Variants in ASXL3 observed in about 807,000 individuals in gnomAD.
ASXL3 encodes the protein ASXL transcriptional regulator 3, also known as putative Polycomb group protein ASXL3.
A neutral mutation model predicts 170.6 loss-of-function variants in ASXL3; 34 were observed. The observed-to-expected ratio is 0.20, with a 90% confidence interval of 0.15 to 0.27. The LOEUF (loss-of-function observed/expected upper bound fraction) is 0.27, where lower values mean the gene tolerates loss of function less well. Ranked by LOEUF, ASXL3 falls within the 10% of genes least tolerant of loss-of-function variation. The pLI is 1.00. For missense variants in ASXL3, 2,592 were observed against 2,695.3 expected, an observed-to-expected ratio of 0.96 and a Z score of 0.85; for synonymous variants, 1,002 against 989.1, an observed-to-expected ratio of 1.01 and a Z score of -0.24.
intron 2 of ASXL3, among the ~76,000 whole-genome samples, chr18:33,626,407 G>A (rs1279197498): frequency 6.6e-6 from 1 of 152,068 alleles, no homozygotes; most frequent in Non-Finnish European, 1.5e-5. Flanking sequence ...CAAGGTGATG[G>A]TAGTTAGACT....
chr18:33,707,484 T>C (rs1000339586), intron 8 of ASXL3, among the ~76,000 whole-genome samples: 1 of 151,244 alleles, frequency 6.6e-6, no homozygotes, highest in African/African-American at 2.4e-5. Flanking sequence ...TATTATAAAT[T>C]GTTGCTATTT....
At position 33,629,562 on chromosome 18, in the gene ASXL3, A is replaced by T. The variant is rs116954557; in HGVS notation, c.138-15332A>T. ...TAAATAGGGGCCCAGGTTTAAGATA[A>T]TTTTTTTCTTGAACTACTACCTTGG... On this transcript the variant is annotated intron_variant, in intron 2 of 11. Transcript: ENST00000269197. Among the ~76,000 whole-genome samples the T allele has an allele frequency of 1.2e-4, 18 of 152,014 alleles. No individual in the cohort carries two copies. In the East Asian group the frequency reaches 3.1e-3, roughly 26 times the overall value.
At chr18:33,608,099 A>C (rs1459042810) in intron 2 of ASXL3, among the ~76,000 whole-genome samples, 34 of 151,982 alleles carry the variant, frequency 2.2e-4, no homozygotes, top group Non-Finnish European at 4.4e-5. Flanking sequence ...TAGTCCTCTT[A>C]TATTTAAGAA....
chr18:33,719,391 C>A (rs1006933467), intron 8 of ASXL3, among the ~76,000 whole-genome samples: 1 of 152,026 alleles, frequency 6.6e-6, no homozygotes, highest in Admixed American at 6.6e-5. Flanking sequence ...GGCCTTAACA[C>A]CATTTATAGT....
At chr18:33,591,173 G>A (rs1451307246) in intron 1 of ASXL3, among the ~76,000 whole-genome samples, 1 of 152,110 alleles carries the variant, frequency 6.6e-6, no homozygotes, top group East Asian at 1.9e-4. Context: ...TTATTCATTT[G>A]ACAACATTTC....
intron 2 of ASXL3, among the ~76,000 whole-genome samples, chr18:33,624,026 T>G (rs545136128): frequency 1.3e-5 from 2 of 152,182 alleles, no homozygotes; most frequent in African/African-American, 4.8e-5. Context: ...GGTGTGATTG[T>G]GCATACCTGT....
intron 2 of ASXL3, among the ~76,000 whole-genome samples, chr18:33,637,454 T>C (rs1344234662): frequency 1.3e-5 from 2 of 152,096 alleles, no homozygotes; most frequent in African/African-American, 4.8e-5. Context: ...GAGCAACACT[T>C]GGGACAGATA....
At chr18:33,675,308 T>G (rs2066407684) in intron 7 of ASXL3, among the ~76,000 whole-genome samples, 1 of 152,192 alleles carries the variant, frequency 6.6e-6, no homozygotes, top group South Asian at 2.1e-4. Flanking sequence ...TGATCCCACC[T>G]CATATCCTTT....
intron 7 of ASXL3, among the ~76,000 whole-genome samples, chr18:33,682,692 G>T (rs1037139418): frequency 1.8e-4 from 28 of 152,052 alleles, no homozygotes; most frequent in African/African-American, 6.0e-4. Flanking sequence ...GAACACAGGT[G>T]CATGCCACCA....
At chr18:33,669,911 T>C (rs1461968266) in intron 5 of ASXL3, among the ~76,000 whole-genome samples, 1 of 152,210 alleles carries the variant, frequency 6.6e-6, no homozygotes, top group Non-Finnish European at 1.5e-5. Context: ...TAAGCTGTAT[T>C]TCAAAACTTT....
chr18:33,581,175 T>C (rs1002972678), intron 1 of ASXL3, among the ~76,000 whole-genome samples: 3 of 152,210 alleles, frequency 2.0e-5, no homozygotes, highest in Admixed American at 2.0e-4. Context: ...ATAGTATTTC[T>C]TAACTCTCAA....
intron 7 of ASXL3, among the ~76,000 whole-genome samples, chr18:33,672,745 GC>G (rs1599475460): frequency 6.6e-6 from 1 of 152,104 alleles, no homozygotes; most frequent in African/African-American, 2.4e-5. Context: ...ATTCTTATTT[GC>G]AGAGTGTATT....
intron 4 of ASXL3, among the ~76,000 whole-genome samples, chr18:33,655,781 TAAAAC>T (rs1206540674): frequency 6.6e-6 from 1 of 152,084 alleles, no homozygotes; most frequent in South Asian, 2.1e-4. Context: ...ATACTATACA[TAAAAC>T]AAATTATAAC....
At chr18:33,613,824 C>A (rs1476820266) in intron 2 of ASXL3, among the ~76,000 whole-genome samples, 2 of 151,950 alleles carry the variant, frequency 1.3e-5, no homozygotes, top group Non-Finnish European at 2.9e-5. Flanking sequence ...ATTAGGGAGG[C>A]TGAAGCAGGA....
At chr18:33,646,883 G>A (rs920402564) in intron 4 of ASXL3, among the ~76,000 whole-genome samples, 2 of 143,920 alleles carry the variant, frequency 1.4e-5, no homozygotes, top group Non-Finnish European at 3.0e-5. Context: ...GGGGGAGCGG[G>A]GGGGGGGGGC....
At chr18:33,588,059 G>A (rs1470682032) in intron 1 of ASXL3, among the ~76,000 whole-genome samples, 1 of 152,080 alleles carries the variant, frequency 6.6e-6, no homozygotes, top group Non-Finnish European at 1.5e-5. Context: ...TACTTAGTGT[G>A]TATGTGTGTG....
At chr18:33,618,769 T>G (rs1317534659) in intron 2 of ASXL3, among the ~76,000 whole-genome samples, 2 of 152,268 alleles carry the variant, frequency 1.3e-5, no homozygotes, top group East Asian at 3.9e-4. Context: ...AGCCTCATAC[T>G]TGATGTTATT....
chr18:33,673,976 C>T (rs997832902), intron 7 of ASXL3, among the ~76,000 whole-genome samples: 1 of 152,156 alleles, frequency 6.6e-6, no homozygotes, highest in Non-Finnish European at 1.5e-5. Flanking sequence ...GAAGTGAAGT[C>T]ACATTCACTG....
At chr18:33,681,792 T>C (rs2066520344) in intron 7 of ASXL3, among the ~76,000 whole-genome samples, 2 of 152,240 alleles carry the variant, frequency 1.3e-5, no homozygotes, top group East Asian at 1.9e-4. Context: ...CAGAAACTTC[T>C]ATAAATATGC....
Sources: allele counts gnomAD v4.1 joint callset (sites outside exome capture counted in the v4.1 genomes callset), GRCh38; gene constraint gnomAD v4.1.1; transcripts MANE v1.5; gene names NCBI Gene and HGNC (gene_info 2026-07-23, HGNC 2026-07-21).